Variants in GRIA2 observed in about 807,000 individuals in gnomAD.
GRIA2 encodes glutamate ionotropic receptor AMPA type subunit 2.
Under a neutral mutation model 97.3 loss-of-function variants are expected in GRIA2, and 14 were observed. The ratio of observed to expected loss-of-function variants is 0.14; its 90% CI spans 0.10 to 0.23. GRIA2 has a LOEUF of 0.23. Among genes scored for constraint, GRIA2 ranks in the 10% least tolerant of loss-of-function variants. GRIA2 has a pLI of 1.00. For missense variants in GRIA2, 558 were observed against 1,069.8 expected, an observed-to-expected ratio of 0.52 and a Z score of 6.67; for synonymous variants, 412 against 387.8, an observed-to-expected ratio of 1.06 and a Z score of -0.73.
chr4:157,315,352 C>CA (rs1365348283), intron 4 of GRIA2, among the ~76,000 whole-genome samples: 1 of 112,528 alleles, frequency 8.9e-6, no homozygotes, highest in Non-Finnish European at 1.8e-5. Flanking sequence ...GATTACCTGG[C>CA]AAAAAATGAG....
intron 11 of GRIA2, among the ~76,000 whole-genome samples, chr4:157,340,184 A>C (rs1320449688): frequency 6.6e-6 from 1 of 151,914 alleles, no homozygotes; most frequent in Non-Finnish European, 1.5e-5. Context: ...AATTGTCAGA[A>C]ACTTTAGATC....
At chr4:157,284,875 A>G (rs2126821850) in intron 2 of GRIA2, among the ~76,000 whole-genome samples, 1 of 151,820 alleles carries the variant, frequency 6.6e-6, no homozygotes, top group East Asian at 1.9e-4. Flanking sequence ...TGGTAGTACA[A>G]GCAATGCAGC....
At chr4:157,320,546 T>C (rs1345566522) in intron 5 of GRIA2, among the ~76,000 whole-genome samples, 1 of 152,088 alleles carries the variant, frequency 6.6e-6, no homozygotes, top group African/African-American at 2.4e-5. Flanking sequence ...AACAAAATTG[T>C]GAGCCAATAA....
At chr4:157,292,453 GA>G (rs1733148864) in intron 2 of GRIA2, among the ~76,000 whole-genome samples, 1 of 151,976 alleles carries the variant, frequency 6.6e-6, no homozygotes. Context: ...AGAATAGTTT[GA>G]AAATCTTAGA....
intron 6 of GRIA2, among the ~76,000 whole-genome samples, chr4:157,323,180 A>G (rs879740237): frequency 1.3e-5 from 2 of 151,448 alleles, no homozygotes; most frequent in Non-Finnish European, 2.9e-5. Flanking sequence ...CCAAAAATAC[A>G]AAAAATTAGC....
intron 2 of GRIA2, among the ~76,000 whole-genome samples, chr4:157,258,058 AT>A (rs1203107958): frequency 1.3e-5 from 2 of 152,070 alleles, no homozygotes; most frequent in Non-Finnish European, 2.9e-5. Context: ...TAATCCCGTC[AT>A]CTTCCTAAGC....
At chr4:157,301,510 A>T (rs1196330841) in intron 2 of GRIA2, among the ~76,000 whole-genome samples, 1 of 152,228 alleles carries the variant, frequency 6.6e-6, no homozygotes, top group Non-Finnish European at 1.5e-5. Context: ...CATATTACAC[A>T]GGTTTTCGGC....
intron 2 of GRIA2, among the ~76,000 whole-genome samples, chr4:157,230,675 G>T (rs1214009683): frequency 6.7e-6 from 1 of 149,336 alleles, no homozygotes. Flanking sequence ...TTTGATGTTT[G>T]CTTAGTTTGC....
At chr4:157,322,410 C>T (rs1030670851) in intron 6 of GRIA2, among the ~76,000 whole-genome samples, 14 of 152,082 alleles carry the variant, frequency 9.2e-5, no homozygotes, top group South Asian at 2.1e-4. Flanking sequence ...AATTCTTGAA[C>T]GCTAAATATT....
intron 12 of GRIA2, among the ~76,000 whole-genome samples, chr4:157,353,719 AC>A (rs1362994410): frequency 1.3e-5 from 2 of 152,042 alleles, no homozygotes; most frequent in Admixed American, 6.6e-5. Flanking sequence ...AAACAAAAAA[AC>A]CTTATAGTTA....
In GRIA2 at chr4:157,361,076, A is replaced by G; in HGVS notation, c.2358A>G (p.Lys786=). ...GCCTGTTGGACAAATTGAAAAACAA[A>G]TGGTGGTACGACAAAGGAGAGTGCG... The part of the protein sequence containing the change: ...EQGLLDKLKN[K]WWYDKGECGS... Residue 786 remains lysine (K), a synonymous_variant, in exon 14 of 16, where the codon AAA becomes AAG. Coordinates refer to ENST00000264426, the MANE Select transcript of GRIA2 (RefSeq NM_001083619.3). The surrounding 1 kb of genome is among the most constrained non-coding windows in gnomAD (Gnocchi z 5.2). 1 of 1,613,846 alleles carries G rather than the reference A, an allele frequency of 6.2e-7. No homozygotes were observed. The highest frequency in any genetic ancestry group is 8.5e-7 in the Non-Finnish European group (1 of 1,179,726).
chr4:157,221,623 G>T (rs41280505), intron 1 of GRIA2, 44 bp from the exon 2 acceptor site: 2 of 1,598,406 alleles, frequency 1.3e-6, no homozygotes, highest in Admixed American at 1.7e-5. Flanking sequence ...TTTCCCTCCC[G>T]GGGCACTGAC....
intron 2 of GRIA2, among the ~76,000 whole-genome samples, chr4:157,235,166 G>T (rs766638375): frequency 6.6e-6 from 1 of 152,052 alleles, no homozygotes; most frequent in Non-Finnish European, 1.5e-5. Flanking sequence ...CTGGATAAAA[G>T]CTATATACTT....
At chr4:157,262,886 T>C (rs940070457) in intron 2 of GRIA2, among the ~76,000 whole-genome samples, 2 of 152,010 alleles carry the variant, frequency 1.3e-5, no homozygotes, top group Admixed American at 6.6e-5. Flanking sequence ...AATGATTTAT[T>C]ACTGATCAAA....
chr4:157,330,330 C>T (rs546763193), intron 6 of GRIA2, among the ~76,000 whole-genome samples: 10 of 151,962 alleles, frequency 6.6e-5, no homozygotes, highest in South Asian at 6.2e-4. Flanking sequence ...TTCTGAAAGT[C>T]GCCATTCATG....
chr4:157,327,551 A>T (rs1734859121), intron 6 of GRIA2, among the ~76,000 whole-genome samples: 1 of 152,160 alleles, frequency 6.6e-6, no homozygotes, highest in African/African-American at 2.4e-5. Flanking sequence ...TCTCAAAAAT[A>T]ATTTATGAAT....
intron 2 of GRIA2, among the ~76,000 whole-genome samples, chr4:157,293,292 A>G (rs776685017): frequency 6.6e-6 from 1 of 152,172 alleles, no homozygotes; most frequent in Non-Finnish European, 1.5e-5. Flanking sequence ...AAAACTCTGA[A>G]CAATCTAAAT....
chr4:157,277,956 T>TTTA (rs1246436334), intron 2 of GRIA2, among the ~76,000 whole-genome samples: 1 of 147,614 alleles, frequency 6.8e-6, no homozygotes, highest in Non-Finnish European at 1.5e-5. Flanking sequence ...AAAGCACTGA[T>TTTA]AAAAGAAATC....
At position 157,364,220 on chromosome 4, in the gene GRIA2, A is replaced by G. The variant is rs1178006867; in HGVS notation, c.*789A>G. 2 of 152,456 alleles carry G rather than the reference A, an allele frequency of 1.3e-5. No homozygotes were observed. The highest frequency in any genetic ancestry group is 2.9e-5 in the Non-Finnish European group (2 of 67,966). The allele number at this position is 152,456 out of a possible 1,614,324, so 9.4% of individuals were successfully genotyped here. The stretch of plus-strand genomic sequence containing the variant: ...ACTTTAATGTATCCTATTCTTTAAC[A>G]TTTGGTGTTAATATAAAATTACTTG... On this transcript the variant is annotated 3_prime_UTR_variant, in exon 16 of 16. Coordinates refer to ENST00000264426, the MANE Select transcript of GRIA2 (RefSeq NM_001083619.3).
Sources: allele counts gnomAD v4.1 joint callset (sites outside exome capture counted in the v4.1 genomes callset), GRCh38; gene constraint gnomAD v4.1.1; non-coding constraint Gnocchi (gnomAD v3.1); transcripts MANE v1.5; gene names NCBI Gene and HGNC (gene_info 2026-07-23, HGNC 2026-07-21).